NTM: variants seen among roughly 807,000 people sequenced by gnomAD.
NTM encodes the protein IgLON family member 2.
In NTM, 13 loss-of-function variants were observed where a neutral mutation model predicts 42.1. The ratio of observed to expected loss-of-function variants is 0.31; its 90% CI spans 0.20 to 0.49. The LOEUF is 0.49. NTM is among the 20% of genes least tolerant of loss of function. The pLI, the probability that NTM is intolerant of heterozygous loss-of-function variation, is 0.99. For missense variants in NTM, 373 were observed against 452.8 expected, an observed-to-expected ratio of 0.82 and a Z score of 1.60; for synonymous variants, 187 against 179.2, an observed-to-expected ratio of 1.04 and a Z score of -0.35.
chr11:131,833,208 G>A (rs1423646691), intron 1 of NTM, among the ~76,000 whole-genome samples: 3 of 152,172 alleles, frequency 2.0e-5, no homozygotes, highest in Admixed American at 2.0e-4. Context: ...GAATTGTGGT[G>A]CAGTGGAAAG....
intron 1 of NTM, among the ~76,000 whole-genome samples, chr11:131,596,041 G>C (rs993958891): frequency 4.6e-5 from 7 of 152,200 alleles, no homozygotes; most frequent in African/African-American, 1.7e-4. Context: ...ATCAACATTT[G>C]CTAACAGTGT....
intron 4 of NTM, among the ~76,000 whole-genome samples, chr11:132,292,595 G>A (rs1028453102): frequency 9.9e-5 from 15 of 151,784 alleles, no homozygotes; most frequent in South Asian, 2.1e-4. Flanking sequence ...ATGAGTGTAC[G>A]GAGAAGCCAG....
At chr11:132,159,438 T>C (rs893638718) in intron 3 of NTM, among the ~76,000 whole-genome samples, 2 of 152,312 alleles carry the variant, frequency 1.3e-5, no homozygotes, top group Non-Finnish European at 2.9e-5. Flanking sequence ...GTGCCAGACT[T>C]TGTTTCTGTT....
intron 3 of NTM, among the ~76,000 whole-genome samples, chr11:132,153,217 C>G (rs929208037): frequency 6.6e-6 from 1 of 152,178 alleles, no homozygotes; most frequent in African/African-American, 2.4e-5. Flanking sequence ...GGCTCTGATT[C>G]CTTCTGGATC....
At chr11:131,789,641 AGAAGAAGAAGAAGAAGAAGAAG>A (rs2090503709) in intron 1 of NTM, among the ~76,000 whole-genome samples, 1 of 125,866 alleles carries the variant, frequency 7.9e-6, no homozygotes, top group African/African-American at 3.0e-5. Context: ...GAAGAAAAGA[AGAAGAAGAAGAAGAAGAAGAAG>A]AAGAAAGCAT....
intron 3 of NTM, among the ~76,000 whole-genome samples, chr11:132,164,791 G>A (rs2075000669): frequency 6.6e-6 from 1 of 152,128 alleles, no homozygotes; most frequent in South Asian, 2.1e-4. Context: ...GAACTCCCGA[G>A]GCCTGTTTTC....
At chr11:131,469,483 A>G (rs1217316761) in intron 1 of NTM, among the ~76,000 whole-genome samples, 1 of 152,204 alleles carries the variant, frequency 6.6e-6, no homozygotes, top group Admixed American at 6.5e-5. Context: ...AGTCTTGTCC[A>G]CTACATTATA....
intron 1 of NTM, among the ~76,000 whole-genome samples, chr11:131,594,899 A>G (rs1355417510): frequency 6.6e-6 from 1 of 152,124 alleles, no homozygotes; most frequent in East Asian, 1.9e-4. Flanking sequence ...TCACATCCCT[A>G]CTCAGCCACT....
At chr11:131,427,209 G>T (rs1399486412) in intron 1 of NTM, among the ~76,000 whole-genome samples, 1 of 152,000 alleles carries the variant, frequency 6.6e-6, no homozygotes, top group Non-Finnish European at 1.5e-5. Flanking sequence ...TTTTCTGTGG[G>T]TGTGTAGAAT....
intron 2 of NTM, among the ~76,000 whole-genome samples, chr11:132,117,801 A>G (rs556091892): frequency 6.6e-6 from 1 of 152,328 alleles, no homozygotes; most frequent in Admixed American, 6.5e-5. Flanking sequence ...TCTAAGAACA[A>G]GCACACAGTG....
intron 1 of NTM, among the ~76,000 whole-genome samples, chr11:131,820,984 C>T (rs1157160235): frequency 2.0e-5 from 3 of 151,642 alleles, no homozygotes; most frequent in Non-Finnish European, 4.4e-5. Flanking sequence ...AAGGATTGCT[C>T]ATCTTCAACT....
intron 7 of NTM, among the ~76,000 whole-genome samples, chr11:132,322,211 A>C (rs1279279240): frequency 6.6e-6 from 1 of 152,182 alleles, no homozygotes; most frequent in African/African-American, 2.4e-5. Flanking sequence ...ACTAAATGCT[A>C]CAATTAAAAG....
chr11:131,743,326 A>C (rs1269155282), intron 1 of NTM, among the ~76,000 whole-genome samples: 2 of 151,788 alleles, frequency 1.3e-5, no homozygotes, highest in African/African-American at 4.8e-5. Context: ...ATTTTGATAG[A>C]GATAATATAG....
intron 2 of NTM, among the ~76,000 whole-genome samples, chr11:131,967,447 A>C (rs2134620904): frequency 6.6e-6 from 1 of 152,192 alleles, no homozygotes; most frequent in South Asian, 2.1e-4. Flanking sequence ...TTGTGCAGAG[A>C]CCACGCTGAG....
intron 2 of NTM, among the ~76,000 whole-genome samples, chr11:132,140,109 A>G (rs540757206): frequency 1.3e-5 from 2 of 152,334 alleles, no homozygotes; most frequent in East Asian, 3.9e-4. Flanking sequence ...TTTCTACTGC[A>G]GGTGATTTAA....
chr11:131,598,826 CTTCTTTCT>C (rs1174503279), intron 1 of NTM, among the ~76,000 whole-genome samples: 2,763 of 40,252 alleles, frequency 0.069, 784 homozygotes, highest in African/African-American at 0.18. Context: ...TTCTTTCTTT[CTTCTTTCT>C]TTCTTTCTTT....
intron 1 of NTM, among the ~76,000 whole-genome samples, chr11:131,484,638 C>A (rs972392028): frequency 3.3e-5 from 5 of 152,140 alleles, no homozygotes; most frequent in Non-Finnish European, 5.9e-5. Context: ...CTTCCTCCTG[C>A]GTAGACACTG....
chr11:131,512,440 A>T (rs191072267), intron 1 of NTM, among the ~76,000 whole-genome samples: 329 of 152,228 alleles, frequency 2.2e-3, no homozygotes, highest in Non-Finnish European at 3.4e-3. Flanking sequence ...GCCTGGAGAC[A>T]GGCCCATGTG....
chr11:131,641,040 C>T (rs2065067826), intron 1 of NTM, among the ~76,000 whole-genome samples: 1 of 152,202 alleles, frequency 6.6e-6, no homozygotes. Context: ...CAAGCAACCG[C>T]ATATTCTTAG....
Sources: allele counts gnomAD v4.1 joint callset (sites outside exome capture counted in the v4.1 genomes callset), GRCh38; gene constraint gnomAD v4.1.1; transcripts MANE v1.5; gene names NCBI Gene and HGNC (gene_info 2026-07-23, HGNC 2026-07-21).